Variants in GNS observed in about 807,000 individuals in gnomAD.
The protein encoded by GNS is N-acetylglucosamine-6-sulfatase.
A neutral mutation model predicts 69.7 loss-of-function variants in GNS; 40 were observed. The observed-to-expected ratio is 0.57, with a 90% CI of 0.45 to 0.75. The LOEUF (loss-of-function observed/expected upper bound fraction) is 0.75. GNS is among the 30% of genes least tolerant of loss of function. The pLI is 0.00. For synonymous variants in GNS, 243 were observed against 251.6 expected, an observed-to-expected ratio of 0.97 and a Z score of 0.32; for missense variants, 565 against 685.5, an observed-to-expected ratio of 0.82 and a Z score of 1.96.
Position 64,716,686 on chromosome 12 carries a change from C to A in GNS, c.*55G>T, listed in dbSNP as rs762354606. The A allele has an allele frequency of 2.8e-5, 30 of 1,080,210 alleles. No homozygotes were observed. Among genetic ancestry groups the A allele is most frequent in the Non-Finnish European group, 4.0e-5 (28 of 694,092 alleles). The allele number at this position is 1,080,210 out of a possible 1,614,324, so 66.9% of individuals were successfully genotyped here. A position where few individuals can be genotyped will look rare whatever the true frequency, so the allele number is the denominator to read the frequency against. On this transcript the variant is annotated 3_prime_UTR_variant, in exon 14 of 14. Coordinates refer to ENST00000258145, the MANE Select transcript of GNS (RefSeq NM_002076.4). ...ACTAGCTACAGACACCTACTACAATCACTTCATCAGAAAGAGGCGTGCAGG... is the reference window on the plus strand; with the variant it reads ...ACTAGCTACAGACACCTACTACAATAACTTCATCAGAAAGAGGCGTGCAGG...
chr12:64,733,783 C>A (rs556305000), intron 9 of GNS, among the ~76,000 whole-genome samples: 1 of 152,204 alleles, frequency 6.6e-6, no homozygotes, highest in Non-Finnish European at 1.5e-5. Context: ...TTCCCTGGGA[C>A]GGTGCTGTGT....
At chr12:64,733,104 G>A (rs117446475) in intron 9 of GNS, among the ~76,000 whole-genome samples, 1,889 of 151,300 alleles carry the variant, frequency 0.012, 14 homozygotes, top group Middle Eastern at 0.054. Flanking sequence ...ATGAAACCCC[G>A]TCTCTACAAA....
At chr12:64,758,998 G>A in intron 1 of GNS, 87 bp downstream of exon 1, 1 of 1,118,830 alleles carries the variant, frequency 8.9e-7, no homozygotes, top group Non-Finnish European at 1.3e-6. Context: ...AGTTCGGGGA[G>A]GAGGGTGGTG....
In GNS at chr12:64,759,196, T is replaced by C. The variant is rs1469248637; in HGVS notation, c.81A>G (p.Leu27=). The change falls in exon 1 of 14, where the codon CTA becomes CTG. Residue 27 remains leucine (L), a synonymous_variant. Transcript: ENST00000258145. ...RHLPSCSPAL[L]LLVLGGCLGV... The stretch of plus-strand genomic sequence containing the variant: ...CCAGGCAGCCGCCCAGCACCAGCAG[T>C]AGCAGCGCTGGGCTGCAGGAGGGCA... 6.5e-7 allele frequency: 1 copy of C among 1,548,650 alleles called. No homozygotes were observed. Among genetic ancestry groups the C allele is most frequent in the Non-Finnish European group, 8.7e-7 (1 of 1,146,544 alleles).
chr12:64,722,532 A>G (rs1407048533), intron 11 of GNS, among the ~76,000 whole-genome samples: 90 of 152,358 alleles, frequency 5.9e-4, no homozygotes, highest in East Asian at 2.3e-3. Context: ...AGAAGAATCA[A>G]TCAACTCCAA....
intron 13 of GNS, 144 bp from the exon 14 acceptor site, chr12:64,716,963 A>G: frequency 4.3e-6 from 3 of 698,398 alleles, no homozygotes; most frequent in South Asian, 1.5e-5. Flanking sequence ...GGTACAAAAC[A>G]TGAGCCCTCG....
chr12:64,742,141 C>T (rs886720447), intron 6 of GNS, among the ~76,000 whole-genome samples: 1 of 152,192 alleles, frequency 6.6e-6, no homozygotes, highest in Non-Finnish European at 1.5e-5. Context: ...CTGCCTCAGC[C>T]TCCCGAGTAG....
intron 9 of GNS, among the ~76,000 whole-genome samples, chr12:64,734,561 G>C (rs1662627024): frequency 6.6e-6 from 1 of 152,258 alleles, no homozygotes; most frequent in Non-Finnish European, 1.5e-5. Context: ...GGAGGTGACA[G>C]AGAAGGTCCG....
At chr12:64,733,297 C>CAAAAAAAAAAAAAAAAAAAAAAAAAAA (rs961321163) in intron 9 of GNS, among the ~76,000 whole-genome samples, 1 of 26,640 alleles carries the variant, frequency 3.8e-5, no homozygotes, top group African/African-American at 1.1e-4. Flanking sequence ...GACCCTGTCT[C>CAAAAAAAAAAAAAAAAAAAAAAAAAAA]AAAAAAAAAA....
chr12:64,754,268 T>C (rs1280951134), intron 1 of GNS, among the ~76,000 whole-genome samples: 1 of 152,124 alleles, frequency 6.6e-6, no homozygotes, highest in Non-Finnish European at 1.5e-5. Flanking sequence ...TGGTAAGTGC[T>C]ATGAAGAGAA....
In GNS at chr12:64,743,261, G is replaced by C; in HGVS notation, c.672C>G (p.Pro224=). ...DFLDYKSNFE[P]FFMMIATPAP... Reference sequence around the variant, plus strand: ...CTGGAGTGGCGATCATCATGAAGAAGGGCTCAAAGTTGGACTTGTAGTCCA... The same window carrying C: ...CTGGAGTGGCGATCATCATGAAGAACGGCTCAAAGTTGGACTTGTAGTCCA... Residue 224 remains proline, a synonymous_variant, in exon 6 of 14, where the codon CCC becomes CCG. Coordinates refer to ENST00000258145, the MANE Select transcript of GNS (RefSeq NM_002076.4). The C allele has an allele frequency of 6.2e-7, 1 of 1,613,314 alleles. No homozygotes were observed. The highest frequency in any genetic ancestry group is 8.5e-7 in the Non-Finnish European group (1 of 1,179,300).
rs781582680 is a variant in GNS, at chr12:64,723,032, A to G, written c.1282T>C (p.Cys428Arg). 4 of 1,609,350 alleles carry G rather than the reference A, an allele frequency of 2.5e-6. No individual in the cohort carries two copies. The highest frequency in any genetic ancestry group is 3.4e-6 in the Non-Finnish European group (4 of 1,175,578). Residue 428 changes from cysteine (C) to arginine (R), a missense_variant, in exon 11 of 14, where the codon TGC becomes CGC. Around this residue, in one of 2 missense-constraint regions of GNS, gnomAD observed 384 missense variants for 511.0 expected, o/e 0.75. Transcript: ENST00000258145. ...GATACGCCAGGACTCAGGGAAGGGCATGTTGGGTCAGTGACGTTACGGCCT... is the reference window on the plus strand; with the variant it reads ...GATACGCCAGGACTCAGGGAAGGGCGTGTTGGGTCAGTGACGTTACGGCCT... ...GEGRNVTDPT[C>R]PSLSPGVSQC...
chr12:64,721,838 G>A (rs1475231965), intron 11 of GNS, 133 bp from the exon 12 acceptor site: 9 of 710,046 alleles, frequency 1.3e-5, no homozygotes, highest in Non-Finnish European at 1.8e-5. Flanking sequence ...CTTCCATGGG[G>A]AAGCCAGTAA....
chr12:64,759,056 G>C, intron 1 of GNS, 29 bp downstream of exon 1: 1 of 1,530,468 alleles, frequency 6.5e-7, no homozygotes, highest in Non-Finnish European at 8.9e-7. Context: ...CCAAGAGATA[G>C]AGGGGCGGGG....
At chr12:64,752,341 G>A (rs1442647477) in intron 2 of GNS, among the ~76,000 whole-genome samples, 1 of 152,186 alleles carries the variant, frequency 6.6e-6, no homozygotes, top group African/African-American at 2.4e-5. Flanking sequence ...TTTATGGGGT[G>A]TGTGTGTTGC....
At chr12:64,721,747 A>G (rs767143396) in intron 11 of GNS, 42 bp from the exon 12 acceptor site, 8 of 976,332 alleles carry the variant, frequency 8.2e-6, no homozygotes, top group Non-Finnish European at 1.3e-5. Context: ...CAGTTCTTCC[A>G]TAGTAACAAA....
chr12:64,717,456 T>C (rs1222363140), intron 13 of GNS, among the ~76,000 whole-genome samples: 2 of 151,930 alleles, frequency 1.3e-5, no homozygotes, highest in African/African-American at 4.8e-5. Context: ...GCTCAAGTGA[T>C]TCTCCTGTCT....
At chr12:64,722,928 T>C (rs1869077956) in intron 11 of GNS, 78 bp downstream of exon 11, 2 of 867,436 alleles carry the variant, frequency 2.3e-6, no homozygotes, top group Non-Finnish European at 4.0e-6. Flanking sequence ...AAGGTTTCAA[T>C]ATTTGACACA....
chr12:64,726,330 G>T (rs1479150574), intron 10 of GNS, among the ~76,000 whole-genome samples: 1 of 147,824 alleles, frequency 6.8e-6, no homozygotes, highest in Non-Finnish European at 1.5e-5. Context: ...AGTATCTATA[G>T]AGAAAAAAAA....
Sources: allele counts gnomAD v4.1 joint callset (sites outside exome capture counted in the v4.1 genomes callset), GRCh38; gene constraint gnomAD v4.1.1; regional missense constraint gnomAD v4.1.1; transcripts MANE v1.5; gene names NCBI Gene and HGNC (gene_info 2026-07-23, HGNC 2026-07-21).